Variants in PCED1A observed in about 807,000 individuals in gnomAD.
PCED1A encodes PC-esterase domain containing 1A, also known as PC-esterase domain-containing protein 1A.
A neutral mutation model predicts 41.9 loss-of-function variants in PCED1A; 20 were observed. The observed-to-expected ratio is 0.48, with a 90% CI of 0.34 to 0.69. The LOEUF (loss-of-function observed/expected upper bound fraction) is 0.69. PCED1A is among the 30% of genes least tolerant of loss of function. The pLI, the probability that PCED1A is intolerant of heterozygous loss-of-function variation, is 0.01. For synonymous variants in PCED1A, 236 were observed against 241.3 expected (o/e 0.98, Z 0.20); for missense variants, 498 against 602.1 (o/e 0.83, Z 1.81).
chr20:2,837,348 T>C (rs1198725153), intron 6 of PCED1A, among the ~76,000 whole-genome samples: 1 of 152,190 alleles, frequency 6.6e-6, no homozygotes, highest in Non-Finnish European at 1.5e-5. Flanking sequence ...TAATCGGCCT[T>C]CTAACATGAC....
In PCED1A at chr20:2,838,906, C is replaced by T. The variant is rs1205891700; in HGVS notation, c.381G>A (p.Glu127=). The T allele has an allele frequency of 2.5e-6, 4 of 1,613,988 alleles. No homozygotes were observed. Among genetic ancestry groups the T allele is most frequent in the African/African-American group, 1.3e-5 (1 of 74,908 alleles). ...YSEYLEDVLE[E]LTYGPAPDLV... ...GGTCCGGGGCAGGTCCATATGTCAG[C>T]TCTTCCAGAACATCCTCAAGGTACT... The change falls in exon 4 of 8, where the codon GAG becomes GAA. Residue 127 remains glutamate, a synonymous_variant. Coordinates refer to ENST00000360652, the MANE Select transcript of PCED1A (RefSeq NM_022760.6). The surrounding 1 kb of genome is among the most constrained non-coding windows in gnomAD (Gnocchi z 5.8).
chr20:2,840,062 G>T (rs974284874), intron 1 of PCED1A, 129 bp from the exon 2 acceptor site: 33 of 1,016,652 alleles, frequency 3.2e-5, no homozygotes, highest in Non-Finnish European at 3.8e-5. Context: ...GGTGGCGCCA[G>T]CCTTGGTCAC....
chr20:2,835,829 T>C (rs2088818503), intron 7 of PCED1A, 120 bp from the exon 8 acceptor site: 2 of 1,482,930 alleles, frequency 1.3e-6, no homozygotes, highest in Non-Finnish European at 1.8e-6. Context: ...AAAAAAGGGA[T>C]AGTCCTTCCC....
chr20:2,839,987 C>A, intron 1 of PCED1A, 54 bp from the exon 2 acceptor site: 1 of 1,531,498 alleles, frequency 6.5e-7, no homozygotes, highest in Non-Finnish European at 8.8e-7. Flanking sequence ...GGCAGGTCAG[C>A]CTCAGGGCTA....
Position 2,836,138 on chromosome 20 carries a change from G to A in PCED1A, c.1018C>T (p.Leu340=). ...QPSPPPLFPP[L]PQDTPFFPGQ... Reference sequence around the variant, plus strand: ...GGGAAAAAAGGGGTATCCTGGGGCAGGGGTGGGAAGAGGGGAGGTGGCGAG... The same window carrying A: ...GGGAAAAAAGGGGTATCCTGGGGCAAGGGTGGGAAGAGGGGAGGTGGCGAG... Residue 340 remains leucine (L), a synonymous_variant, in exon 7 of 8, where the codon CTG becomes TTG. Transcript: ENST00000360652. 1.3e-6 allele frequency: 2 copies of A among 1,598,232 alleles called. No homozygotes were observed. Among genetic ancestry groups the A allele is most frequent in the Middle Eastern group, 3.4e-4 (2 of 5,926 alleles).
rs1485150994 is a variant in PCED1A at position 2,838,493 on chromosome 20, G to A, written c.595-15C>T. On this transcript the variant is annotated splice_polypyrimidine_tract_variant and intron_variant, in intron 5 of 7. Coordinates refer to ENST00000360652, the MANE Select transcript of PCED1A (RefSeq NM_022760.6). This position sits in a 1 kb window ranked among gnomAD's most constrained non-coding sequence, Gnocchi z 5.8. The stretch of plus-strand genomic sequence containing the variant: ...AGGGGCTGGAGCTAAGTGAGAAAGT[G>A]CAGCCTCTAAGAGCCACAGAACGCA... 3.7e-6 allele frequency: 6 copies of A among 1,614,024 alleles called. No individual in the cohort carries two copies. The highest frequency in any genetic ancestry group is 2.2e-5 in the East Asian group (1 of 44,900).
Position 2,838,737 on chromosome 20 carries a change from G to T in PCED1A, c.453C>A (p.Arg151=), listed in dbSNP as rs1257174715. 1 of 1,614,206 alleles carries T rather than the reference G, an allele frequency of 6.2e-7. No homozygotes were observed. Among genetic ancestry groups the T allele is most frequent in the South Asian group, 1.1e-5 (1 of 91,090 alleles). The stretch of plus-strand genomic sequence containing the variant: ...TCTCCCGGTAGCTCTCCATTGAGCA[G>T]CGACCATATCTGTTGGATAACACAC... ...SCLWDLSRYG[R]CSMESYRENL... The change falls in exon 5 of 8, where the codon CGC becomes CGA. Residue 151 remains arginine, a synonymous_variant. Transcript: ENST00000360652. The surrounding 1 kb of genome is among the most constrained non-coding windows in gnomAD (Gnocchi z 5.8).
chr20:2,839,610 G>A (rs1405076809), intron 2 of PCED1A, among the ~76,000 whole-genome samples, 179 bp downstream of exon 2: 1 of 152,168 alleles, frequency 6.6e-6, no homozygotes, highest in Non-Finnish European at 1.5e-5. Flanking sequence ...AAAGTGCACA[G>A]GTTATTACAC....
upstream of PCED1A, chr20:2,840,665 G>A (rs2088953429): frequency 6.5e-6 from 8 of 1,228,460 alleles, no homozygotes; most frequent in Non-Finnish European, 9.3e-6. Context: ...TGATGGCCGC[G>A]GCGGCGGCCT....
In PCED1A at chr20:2,838,816, C is replaced by A. The variant is rs762387006; in HGVS notation, c.443+28G>T. 6.2e-7 allele frequency: 1 copy of A among 1,614,068 alleles called. No homozygotes were observed. Among genetic ancestry groups the A allele is most frequent in the African/African-American group, 1.3e-5 (1 of 74,930 alleles). On this transcript the variant is annotated intron_variant, in intron 4 of 7. Transcript: ENST00000360652. This position sits in a 1 kb window ranked among gnomAD's most constrained non-coding sequence, Gnocchi z 5.8. ...GCCTCAGCCGTACTTCCAGCCCCAA[C>A]CAGTATTCCCCTTTCCCTCGCCCCA...
chr20:2,840,727 C>T (rs746685962), upstream of PCED1A: 8 of 1,543,922 alleles, frequency 5.2e-6, no homozygotes, highest in Middle Eastern at 2.3e-4. Flanking sequence ...GGAGCCCGCT[C>T]TAGGTGGGTG....
Position 2,836,291 on chromosome 20 carries a change from C to T in PCED1A, c.865G>A (p.Glu289Lys), listed in dbSNP as rs772303555. 6.2e-7 allele frequency: 1 copy of T among 1,614,144 alleles called. No individual in the cohort carries two copies. Among genetic ancestry groups the T allele is most frequent in the Non-Finnish European group, 8.5e-7 (1 of 1,180,022 alleles). The change falls in exon 7 of 8, where the codon GAG (glutamate) becomes AAG (lysine). Residue 289 changes from glutamate (E) to lysine (K), a missense_variant. By Grantham distance (56) the Glu-to-Lys change is moderately conservative (BLOSUM62 1). This residue lies in a region of PCED1A where 245 missense variants were observed against 232.4 expected (regional missense o/e 1.05). Coordinates refer to ENST00000360652, the MANE Select transcript of PCED1A (RefSeq NM_022760.6). ...CTTCCCTGGAATGGATGATTCATCT[C>T]TGCCCAGTCCTCAATCCACGGGTCT... ...PPDPWIEDWA[E>K]MNHPFQGSHR... is the part of the protein sequence containing the mutation.
intron 6 of PCED1A, 88 bp from the exon 7 acceptor site, chr20:2,836,402 C>T: frequency 2.5e-6 from 3 of 1,188,414 alleles, no homozygotes; most frequent in Non-Finnish European, 3.8e-6. Flanking sequence ...TCTATTCCTT[C>T]CTCTTGGAGA....
chr20:2,837,240 A>C (rs1416612897), intron 6 of PCED1A, among the ~76,000 whole-genome samples: 1 of 151,848 alleles, frequency 6.6e-6, no homozygotes, highest in Non-Finnish European at 1.5e-5. Context: ...ATCTGTATTC[A>C]CCTCCCTGAT....
chr20:2,835,537 T>C lies in PCED1A; in HGVS notation c.1290A>G (p.Arg430=). Residue 430 remains arginine (R), a synonymous_variant, in exon 8 of 8, where the codon AGA becomes AGG. Coordinates refer to ENST00000360652, the MANE Select transcript of PCED1A (RefSeq NM_022760.6). The part of the protein sequence containing the change: ...RMGGPCRQRL[R]HSERLIHTYK... ...ATGTGTGGATCAGTCTCTCTGAGTG[T>C]CTGAGCCGCTGCCTGCAGGGCCCCC... 5.0e-6 allele frequency: 8 copies of C among 1,614,054 alleles called. No homozygotes were observed. Among genetic ancestry groups the C allele is most frequent in the Non-Finnish European group, 5.9e-6 (7 of 1,179,972 alleles).
chr20:2,839,672 T>C lies in PCED1A; in HGVS notation c.124+117A>G, dbSNP rs909406311. 2.6e-5 allele frequency: 38 copies of C among 1,437,356 alleles called. No individual in the cohort carries two copies. The highest frequency in any genetic ancestry group is 3.6e-4 in the Middle Eastern group (2 of 5,490). 89.0% of individuals were successfully genotyped at this position (1,437,356 alleles called of 1,614,324 possible). A position where few individuals can be genotyped will look rare whatever the true frequency, so the allele number is the denominator to read the frequency against. The stretch of plus-strand genomic sequence containing the variant: ...TGGGACATAAAAAGAGAAAACCTAC[T>C]GGACGGAACAGACCAGAAGACAGAC... On this transcript the variant is annotated intron_variant, in intron 2 of 7. Transcript: ENST00000360652.
chr20:2,841,139 G>A (rs1446042516), upstream of PCED1A: 3 of 442,604 alleles, frequency 6.8e-6, no homozygotes, highest in African/African-American at 6.3e-5. Context: ...GTCTCCTGCC[G>A]GAAAGTGCTG....
rs751616067 is a variant in PCED1A, at chr20:2,838,404, G to A, written c.669C>T (p.Asp223=). ...GGAGGTCTAGGACATCAAAGCAGTG[G>A]TCCCCGGCCAGCGTAGCACTGTAGA... ...GNFYSATLAG[D]HCFDVLDLHF... Residue 223 remains aspartate (D), a synonymous_variant, in exon 6 of 8, where the codon GAC becomes GAT. Coordinates refer to ENST00000360652, the MANE Select transcript of PCED1A (RefSeq NM_022760.6). The surrounding 1 kb of genome is among the most constrained non-coding windows in gnomAD (Gnocchi z 5.8). The A allele has an allele frequency of 1.2e-6, 2 of 1,614,236 alleles. No individual in the cohort carries two copies. The highest frequency in any genetic ancestry group is 1.7e-6 in the Non-Finnish European group (2 of 1,180,042).
chr20:2,840,163 G>A (rs769317087), intron 1 of PCED1A, 48 bp downstream of exon 1: 4 of 378,660 alleles, frequency 1.1e-5, no homozygotes, highest in African/African-American at 6.4e-5. Context: ...GCCTCGCCAC[G>A]TGCCCGCCGC....
Sources: gnomAD v4.1 joint callset for allele counts (sites outside exome capture counted in the v4.1 genomes callset) on GRCh38, gnomAD v4.1.1 for gene constraint, gnomAD v4.1.1 regional missense constraint, Gnocchi (gnomAD v3.1) non-coding constraint, MANE v1.5 for transcripts, NCBI Gene and HGNC (gene_info 2026-07-23, HGNC 2026-07-21) for gene names.